NAALADL2: variants seen among roughly 807,000 people sequenced by gnomAD.
The protein encoded by NAALADL2 is N-acetylated alpha-linked acidic dipeptidase like 2.
Under a neutral mutation model 87.2 loss-of-function variants are expected in NAALADL2, and 76 were observed. That is an observed-to-expected ratio of 0.87 (90% CI 0.72 to 1.05). The LOEUF (loss-of-function observed/expected upper bound fraction) is 1.05, where lower values mean the gene tolerates loss of function less well. NAALADL2 is among the 50% of genes least tolerant of loss of function. The probability of loss-of-function intolerance (pLI) is 0.00; values close to 1 mark genes in which losing one functional copy is unlikely to be tolerated. For synonymous variants in NAALADL2, 354 were observed against 331.0 expected (o/e 1.07, Z -0.75); for missense variants, 1,089 against 945.8 (o/e 1.15, Z -1.99).
chr3:174,470,912 G>A (rs1716856510), intron 1 of NAALADL2, among the ~76,000 whole-genome samples: 1 of 151,874 alleles, frequency 6.6e-6, no homozygotes, highest in African/African-American at 2.4e-5. Context: ...CCTTTTTGTT[G>A]GACATTTTGG....
intron 3 of NAALADL2, among the ~76,000 whole-genome samples, chr3:174,775,915 C>G (rs1024781903): frequency 3.3e-5 from 5 of 152,142 alleles, no homozygotes; most frequent in African/African-American, 1.2e-4. Context: ...ACAAATATGG[C>G]TAAAATAAGC....
chr3:175,523,030 A>G (rs1417396602), intron 9 of NAALADL2, among the ~76,000 whole-genome samples: 1 of 152,224 alleles, frequency 6.6e-6, no homozygotes, highest in Non-Finnish European at 1.5e-5. Flanking sequence ...CCTGAAAATT[A>G]CATGTACATT....
intron 1 of NAALADL2, among the ~76,000 whole-genome samples, chr3:174,882,812 C>T (rs1437089218): frequency 5.7e-4 from 68 of 118,390 alleles, no homozygotes; most frequent in Middle Eastern, 4.7e-3. Context: ...TGTATATGTG[C>T]ATATGTGTAT....
intron 11 of NAALADL2, among the ~76,000 whole-genome samples, chr3:175,717,120 A>G (rs73881361): frequency 0.016 from 2,379 of 152,192 alleles, 59 homozygotes; most frequent in African/African-American, 0.054. Context: ...TGCATGATGA[A>G]ATTTGCACAG....
At chr3:174,879,141 C>T (rs1432066171) in intron 1 of NAALADL2, among the ~76,000 whole-genome samples, 3 of 151,978 alleles carry the variant, frequency 2.0e-5, no homozygotes, top group South Asian at 2.1e-4. Flanking sequence ...GTATTTTTTT[C>T]GTACCTAAAT....
chr3:175,599,754 C>G (rs13326789), intron 10 of NAALADL2, among the ~76,000 whole-genome samples: 2,635 of 152,214 alleles, frequency 0.017, 74 homozygotes, highest in Admixed American at 0.065. Flanking sequence ...GTAGTTGAGG[C>G]TTTCTTTGAC....
At chr3:174,724,247 C>T (rs1291430136) in intron 2 of NAALADL2, among the ~76,000 whole-genome samples, 2 of 152,118 alleles carry the variant, frequency 1.3e-5, no homozygotes, top group East Asian at 3.9e-4. Context: ...AATTCACCTC[C>T]ATAGCTGCAG....
chr3:175,705,582 T>A (rs16826184), intron 11 of NAALADL2, among the ~76,000 whole-genome samples: 5,161 of 151,872 alleles, frequency 0.034, 291 homozygotes, highest in African/African-American at 0.12. Flanking sequence ...ACTGATTGGG[T>A]GTCTTCTGTG....
At chr3:174,683,634 GT>G (rs1727763704) in intron 2 of NAALADL2, among the ~76,000 whole-genome samples, 1 of 6,386 alleles carries the variant, frequency 1.6e-4, no homozygotes, top group African/African-American at 1.3e-3. Context: ...CTTCTGGTGT[GT>G]GTGTGTGTGT....
intron 3 of NAALADL2, among the ~76,000 whole-genome samples, chr3:174,787,354 G>T (rs1716792453): frequency 6.6e-6 from 1 of 150,598 alleles, no homozygotes; most frequent in Admixed American, 6.6e-5. Flanking sequence ...CTAAATTATT[G>T]GATTTCTTCA....
intron 2 of NAALADL2, among the ~76,000 whole-genome samples, chr3:174,702,423 A>G (rs1258270347): frequency 6.6e-6 from 1 of 152,202 alleles, no homozygotes; most frequent in African/African-American, 2.4e-5. Context: ...CTGGGGATAC[A>G]TTGAAGAGTG....
intron 3 of NAALADL2, among the ~76,000 whole-genome samples, chr3:174,765,024 T>TTAAAATAATACAA (rs1247562121): frequency 2.0e-5 from 3 of 151,784 alleles, no homozygotes. Flanking sequence ...TGTGACAGCA[T>TTAAAATAATACAA]TAAAATAATA....
chr3:174,934,711 G>A (rs1737424078), intron 1 of NAALADL2, among the ~76,000 whole-genome samples: 1 of 151,604 alleles, frequency 6.6e-6, no homozygotes, highest in African/African-American at 2.4e-5. Context: ...CATTGTGTTA[G>A]GCACTAGAAA....
At chr3:175,386,716 G>A (rs936981673) in intron 5 of NAALADL2, among the ~76,000 whole-genome samples, 1 of 152,112 alleles carries the variant, frequency 6.6e-6, no homozygotes, top group Non-Finnish European at 1.5e-5. Context: ...GAAGTGTTGT[G>A]TTGTCTGTGC....
At chr3:174,925,876 A>G (rs1735944217) in intron 1 of NAALADL2, among the ~76,000 whole-genome samples, 1 of 152,142 alleles carries the variant, frequency 6.6e-6, no homozygotes, top group Non-Finnish European at 1.5e-5. Flanking sequence ...TGACGAGTTG[A>G]GAGAAGAAGT....
chr3:175,343,343 AAC>A (rs1762760848), intron 5 of NAALADL2, among the ~76,000 whole-genome samples: 1 of 152,084 alleles, frequency 6.6e-6, no homozygotes, highest in Admixed American at 6.6e-5. Flanking sequence ...GATGATTTAG[AAC>A]ACTTTTCCTC....
chr3:175,564,765 C>T (rs1386917040), intron 9 of NAALADL2, among the ~76,000 whole-genome samples: 4 of 152,138 alleles, frequency 2.6e-5, no homozygotes, highest in African/African-American at 9.7e-5. Context: ...CTGGTTTATC[C>T]AGTGTCTTGG....
intron 2 of NAALADL2, among the ~76,000 whole-genome samples, chr3:175,132,536 C>CA (rs1728242363): frequency 1.7e-5 from 1 of 60,382 alleles, no homozygotes; most frequent in Non-Finnish European, 3.0e-5. Context: ...CACTCCCGGA[C>CA]GGGAAGAATG....
chr3:174,447,408 G>A (rs1283105171), intron 1 of NAALADL2, among the ~76,000 whole-genome samples: 1 of 152,176 alleles, frequency 6.6e-6, no homozygotes, highest in Non-Finnish European at 1.5e-5. Context: ...ATCTTCTTTT[G>A]TAAAACTTAT....
Sources: allele counts gnomAD v4.1 joint callset (sites outside exome capture counted in the v4.1 genomes callset), GRCh38; gene constraint gnomAD v4.1.1; transcripts MANE v1.5; gene names NCBI Gene and HGNC (gene_info 2026-07-23, HGNC 2026-07-21).